EPB42: variants seen among roughly 807,000 people sequenced by gnomAD.
EPB42 encodes erythrocyte membrane protein band 4.2.
A neutral mutation model predicts 76.9 loss-of-function variants in EPB42; 49 were observed. The observed-to-expected ratio is 0.64, with a 90% CI of 0.51 to 0.81. The LOEUF (loss-of-function observed/expected upper bound fraction) is 0.81. Among genes scored for constraint, EPB42 ranks in the 30% least tolerant of loss-of-function variants. EPB42 has a pLI of 0.00. For synonymous variants in EPB42, 310 were observed against 338.4 expected (o/e 0.92, Z 0.92); for missense variants, 731 against 867.6 (o/e 0.84, Z 1.98).
chr15:43,218,179 C>T (rs8039342), intron 1 of EPB42, among the ~76,000 whole-genome samples: 7,262 of 152,180 alleles, frequency 0.048, 577 homozygotes, highest in African/African-American at 0.16. Context: ...GCACAAAGCT[C>T]GTGCTGGGGC....
In EPB42 at chr15:43,209,394, C is replaced by G. The variant is rs886051168; in HGVS notation, c.712G>C (p.Glu238Gln). Reference protein sequence around the residue: ...LPTPQTQATQEGALLNKRRGS... With the variant: ...LPTPQTQATQQGALLNKRRGS... ...CGGCGCTTGTTCAGCAAGGCCCCTT[C>G]CTGGGTGGCCTGGGTCTGCGGGGTG... Residue 238 changes from glutamate (E) to glutamine (Q), a missense_variant, in exon 6 of 13, where the codon GAA becomes CAA. Transcript: ENST00000441366. 6.8e-6 allele frequency: 11 copies of G among 1,613,604 alleles called. No homozygotes were observed. The highest frequency in any genetic ancestry group is 2.7e-5 in the African/African-American group (2 of 74,946).
intron 11 of EPB42, among the ~76,000 whole-genome samples, chr15:43,202,846 C>T (rs2042146199): frequency 6.6e-6 from 1 of 152,194 alleles, no homozygotes; most frequent in Non-Finnish European, 1.5e-5. Context: ...GCTAAATAAA[C>T]ATAGGCTATT....
At chr15:43,225,551 G>A (rs1402593593), upstream of EPB42, among the ~76,000 whole-genome samples, 1 of 152,156 alleles carries the variant, frequency 6.6e-6, no homozygotes, top group Non-Finnish European at 1.5e-5. Flanking sequence ...CTGAGGTACC[G>A]TTAGGAACTG....
chr15:43,198,880 C>T (rs750079495), intron 12 of EPB42, among the ~76,000 whole-genome samples: 9 of 152,210 alleles, frequency 5.9e-5, no homozygotes, highest in Non-Finnish European at 8.8e-5. Context: ...GCCAACATAC[C>T]GCTTGGGCTG....
intron 6 of EPB42, 46 bp from the exon 7 acceptor site, chr15:43,208,821 G>A (rs1432889070): frequency 1.2e-6 from 2 of 1,600,640 alleles, no homozygotes; most frequent in East Asian, 2.2e-5. Context: ...GAGAGACCGG[G>A]CTGGGGGCGT....
chr15:43,209,720 G>A, intron 5 of EPB42: 1 of 436,844 alleles, frequency 2.3e-6, no homozygotes, highest in East Asian at 3.7e-5. Flanking sequence ...CCCTTCCTTG[G>A]GGGCTGGTTT....
At chr15:43,218,441 C>A (rs1202163054) in intron 1 of EPB42, among the ~76,000 whole-genome samples, 5 of 152,356 alleles carry the variant, frequency 3.3e-5, no homozygotes, top group African/African-American at 1.2e-4. Flanking sequence ...GTAGCCTTCA[C>A]TGACTCCTCC....
intron 3 of EPB42, among the ~76,000 whole-genome samples, chr15:43,213,804 C>T (rs1422820225): frequency 1.3e-5 from 2 of 152,230 alleles, no homozygotes; most frequent in Non-Finnish European, 2.9e-5. Context: ...CTGCCTGCGC[C>T]CTTGGAGCAG....
chr15:43,211,358 A>G, intron 4 of EPB42, 58 bp downstream of exon 4: 1 of 1,108,806 alleles, frequency 9.0e-7, no homozygotes, highest in Admixed American at 1.7e-5. Flanking sequence ...TCTAGCCTCA[A>G]CATGCAAGGT....
chr15:43,222,140 A>G (rs79182470), upstream of EPB42, among the ~76,000 whole-genome samples: 2 of 135,160 alleles, frequency 1.5e-5, no homozygotes, highest in African/African-American at 3.4e-5. Context: ...CCATCTCAGA[A>G]AAAAAAAAAA....
upstream of EPB42, among the ~76,000 whole-genome samples, chr15:43,224,826 G>C (rs1026531673): frequency 1.3e-5 from 2 of 152,234 alleles, no homozygotes; most frequent in African/African-American, 2.4e-5. Flanking sequence ...ACCCAGGCTG[G>C]AGTGCAGTGG....
chr15:43,200,660 TGAA>T (rs924042984), intron 12 of EPB42, among the ~76,000 whole-genome samples: 19 of 152,258 alleles, frequency 1.2e-4, no homozygotes, highest in African/African-American at 4.3e-4. Flanking sequence ...TTGCCAGGAA[TGAA>T]GGAGGGGTAG....
At position 43,215,257 on chromosome 15, in the gene EPB42, ACCACT is replaced by A; in HGVS notation, c.263_267del (p.Lys88MetfsTer50). ...TCTCTCTCCTCCACCACTGCACTCC[ACCACT>A]TTCGGTCCCCCAGACTGGAAATTGG... On this transcript the variant is annotated frameshift_variant, in exon 3 of 13. Transcript: ENST00000441366. LOFTEE classifies it high-confidence loss of function. 2 of 1,613,972 alleles carry A rather than the reference ACCACT, an allele frequency of 1.2e-6. No homozygotes were observed. The highest frequency in any genetic ancestry group is 1.7e-6 in the Non-Finnish European group (2 of 1,179,968).
At chr15:43,222,388 A>G (rs2042470579), upstream of EPB42, among the ~76,000 whole-genome samples, 1 of 152,342 alleles carries the variant, frequency 6.6e-6, no homozygotes, top group East Asian at 1.9e-4. Context: ...CTAGAAATAA[A>G]CTTAAGAAAT....
In EPB42 at chr15:43,206,584, TTC is replaced by T. The variant is rs771364177; in HGVS notation, c.1362_1363del (p.Lys455AsnfsTer4). On this transcript the variant is annotated frameshift_variant, in exon 10 of 13. Transcript: ENST00000441366. LOFTEE classifies it high-confidence loss of function. The surrounding 1 kb of genome is among the most constrained non-coding windows in gnomAD (Gnocchi z 4.7). ...GCCGTTGTCTTTCTCACGTTCCATT[TTC>T]TCTTTCTCGACTCTCTCCAGCACCT... The T allele has an allele frequency of 1.2e-6, 2 of 1,614,190 alleles. No individual in the cohort carries two copies. The highest frequency in any genetic ancestry group is 1.7e-6 in the Non-Finnish European group (2 of 1,180,038).
intron 6 of EPB42, 148 bp downstream of exon 6, chr15:43,209,126 G>A: frequency 1.0e-6 from 1 of 965,296 alleles, no homozygotes; most frequent in South Asian, 1.4e-5. Flanking sequence ...GGCGGGAGGA[G>A]CTGCCTGGGA....
chr15:43,202,909 C>T (rs555065208), intron 11 of EPB42, among the ~76,000 whole-genome samples: 8 of 152,292 alleles, frequency 5.3e-5, no homozygotes, highest in Admixed American at 2.0e-4. Context: ...TTTTAGAAAC[C>T]TTTACTTAAC....
In EPB42 at chr15:43,206,409, G is replaced by T. The variant is rs1180289309; in HGVS notation, c.1539C>A (p.Val513=). ...GGACACCGTTGTAGTGTACAGCCTG[G>T]ACCCCAATTGCCAGCTGCACTGCCT... is the stretch of plus-strand genomic sequence containing the variant. The part of the protein sequence containing the change: ...QEKAVQLAIG[V]QAVHYNGVLA... Residue 513 remains valine (V), a synonymous_variant, in exon 10 of 13, where the codon GTC becomes GTA. Transcript: ENST00000441366. The surrounding 1 kb of genome is among the most constrained non-coding windows in gnomAD (Gnocchi z 4.7). 7 of 1,614,044 alleles carry T rather than the reference G, an allele frequency of 4.3e-6. No homozygotes were observed. Among genetic ancestry groups the T allele is most frequent in the Middle Eastern group, 1.6e-4 (1 of 6,084 alleles).
intron 1 of EPB42, 102 bp from the exon 2 acceptor site, chr15:43,216,555 C>A: frequency 1.3e-5 from 17 of 1,323,464 alleles, no homozygotes; most frequent in Admixed American, 1.9e-5. Flanking sequence ...TAATCCTCGG[C>A]TCCACTTACG....
Sources: gnomAD v4.1 joint callset for allele counts (sites outside exome capture counted in the v4.1 genomes callset) on GRCh38, gnomAD v4.1.1 for gene constraint, Gnocchi (gnomAD v3.1) non-coding constraint, MANE v1.5 for transcripts, NCBI Gene and HGNC (gene_info 2026-07-23, HGNC 2026-07-21) for gene names.